The following TOX variants were observed in gnomAD, a reference collection of about 807,000 sequenced individuals.
TOX encodes the protein thymocyte selection-associated high mobility group box protein TOX.
A neutral mutation model predicts 53.7 loss-of-function variants in TOX; 11 were observed. That is an observed-to-expected ratio of 0.20 (90% confidence interval 0.13 to 0.34). The LOEUF is 0.34. Among genes scored for constraint, TOX ranks in the 10% least tolerant of loss-of-function variants. The pLI, the probability that TOX is intolerant of heterozygous loss-of-function variation, is 1.00. For missense variants in TOX, 570 were observed against 664.6 expected (o/e 0.86, Z 1.56); for synonymous variants, 225 against 245.3 (o/e 0.92, Z 0.77).
intron 7 of TOX, among the ~76,000 whole-genome samples, chr8:58,814,224 G>A (rs553733299): frequency 1.3e-5 from 2 of 151,894 alleles, no homozygotes; most frequent in East Asian, 1.9e-4. Context: ...GCTTCATCTC[G>A]ATCCCAGTCC....
intron 3 of TOX, among the ~76,000 whole-genome samples, chr8:58,900,239 T>C (rs1425926493): frequency 5.3e-5 from 8 of 152,156 alleles, no homozygotes; most frequent in African/African-American, 9.6e-5. Context: ...CCACAGCATA[T>C]GTTATTTTGA....
chr8:59,025,098 G>A (rs1019862402), intron 1 of TOX, among the ~76,000 whole-genome samples: 1 of 152,054 alleles, frequency 6.6e-6, no homozygotes, highest in Non-Finnish European at 1.5e-5. Context: ...AGTTAACTTG[G>A]ACTCAGAAGG....
At chr8:58,881,379 C>T (rs1811379687) in intron 3 of TOX, among the ~76,000 whole-genome samples, 1 of 137,496 alleles carries the variant, frequency 7.3e-6, no homozygotes, top group Non-Finnish European at 1.5e-5. Context: ...GCAGCAAGAA[C>T]TTTGGGATTA....
chr8:59,017,778 C>T lies in TOX; in HGVS notation c.103-57770G>A, dbSNP rs533322410. Among the ~76,000 whole-genome samples the T allele has an allele frequency of 1.2e-4, 18 of 152,266 alleles. 1 individual carries two copies. The East Asian group carries it at 2.7e-3, about 23-fold the overall frequency. On this transcript the variant is annotated intron_variant, in intron 1 of 8. Transcript: ENST00000361421. ...ACAGGTGTCTAGAGCTATTTTTCTA[C>T]ACTTTTAAATGTTAACTCTTTCTCC...
At chr8:59,085,250 C>T (rs1247570491) in intron 1 of TOX, among the ~76,000 whole-genome samples, 1 of 152,216 alleles carries the variant, frequency 6.6e-6, no homozygotes, top group Non-Finnish European at 1.5e-5. Context: ...CAATTTTTAG[C>T]TACCAGCAAC....
At chr8:58,941,697 G>A (rs758812223) in intron 2 of TOX, among the ~76,000 whole-genome samples, 1 of 152,056 alleles carries the variant, frequency 6.6e-6, no homozygotes, top group South Asian at 2.1e-4. Flanking sequence ...TAATTTGTCT[G>A]TCAACACTGC....
rs369960725 is a variant in TOX, at chr8:58,969,365, G to A, written c.103-9357C>T. Among the ~76,000 whole-genome samples, 13 of 152,226 alleles carry A rather than the reference G, an allele frequency of 8.5e-5. No individual in the cohort carries two copies. In the South Asian group the frequency reaches 2.1e-3, roughly 24 times the overall value. On this transcript the variant is annotated intron_variant, in intron 1 of 8. Coordinates refer to ENST00000361421, the MANE Select transcript of TOX (RefSeq NM_014729.3). ...AGTATGGATTTGTCCATTGTGAACC[G>A]AAGCAAAGCTCTGTTTACATATCTT...
intron 8 of TOX, 120 bp downstream of exon 8, chr8:58,807,998 C>T: frequency 2.9e-6 from 4 of 1,393,480 alleles, no homozygotes; most frequent in Non-Finnish European, 2.0e-6. Flanking sequence ...GTGTCTTCTG[C>T]CTTCATGAAC....
At chr8:59,044,597 C>T (rs1381012722) in intron 1 of TOX, among the ~76,000 whole-genome samples, 1 of 152,090 alleles carries the variant, frequency 6.6e-6, no homozygotes, top group Non-Finnish European at 1.5e-5. Flanking sequence ...TAGCTTATTT[C>T]CCCAGAAATA....
At chr8:59,100,780 T>C (rs1316790562) in intron 1 of TOX, among the ~76,000 whole-genome samples, 2 of 152,104 alleles carry the variant, frequency 1.3e-5, no homozygotes, top group Non-Finnish European at 2.9e-5. Flanking sequence ...TACATAAAAA[T>C]AGTATTGAGT....
intron 1 of TOX, among the ~76,000 whole-genome samples, chr8:58,986,140 T>G (rs1813324269): frequency 6.6e-6 from 1 of 152,176 alleles, no homozygotes; most frequent in Non-Finnish European, 1.5e-5. Flanking sequence ...AGGTCGTCAC[T>G]TAAATTTACT....
chr8:59,086,372 C>T (rs187479274), intron 1 of TOX, among the ~76,000 whole-genome samples: 120 of 152,214 alleles, frequency 7.9e-4, no homozygotes, highest in Non-Finnish European at 1.4e-3. Context: ...AACTCCATAC[C>T]CATTTTTACC....
rs1392714516 is a variant in TOX at position 58,806,766 on chromosome 8, T to C, written c.*981A>G. 1 of 152,634 alleles carries C rather than the reference T, an allele frequency of 6.6e-6. No homozygotes were observed. The highest frequency in any genetic ancestry group is 1.5e-5 in the Non-Finnish European group (1 of 68,034). 9.5% of individuals were successfully genotyped at this position (152,634 alleles called of 1,614,324 possible). A position where few individuals can be genotyped will look rare whatever the true frequency, so the allele number is the denominator to read the frequency against. On this transcript the variant is annotated 3_prime_UTR_variant, in exon 9 of 9. Transcript: ENST00000361421. ...AAAGTTAAAACATCAAAGAAACCTC[T>C]TTCAAATACTAACAAATTTACTTAC...
At chr8:58,995,657 A>C (rs1813547446) in intron 1 of TOX, among the ~76,000 whole-genome samples, 1 of 152,240 alleles carries the variant, frequency 6.6e-6, no homozygotes, top group African/African-American at 2.4e-5. Context: ...TACCTCCAAA[A>C]TGGAAAAATA....
chr8:59,052,150 C>T (rs1436319027), intron 1 of TOX, among the ~76,000 whole-genome samples: 1 of 152,142 alleles, frequency 6.6e-6, no homozygotes, highest in Admixed American at 6.5e-5. Context: ...TACTTTTATA[C>T]AGAAACAAGG....
chr8:58,995,990 C>T (rs1339195119), intron 1 of TOX, among the ~76,000 whole-genome samples: 2 of 152,154 alleles, frequency 1.3e-5, no homozygotes, highest in Admixed American at 6.5e-5. Context: ...GTATTCCCTC[C>T]GTTTCCAGGC....
At position 58,806,589 on chromosome 8, in the gene TOX, T is replaced by G. The variant is rs1215335639; in HGVS notation, c.*1158A>C. 6.6e-6 allele frequency: 1 copy of G among 152,606 alleles called. No homozygotes were observed. The highest frequency in any genetic ancestry group is 1.5e-5 in the Non-Finnish European group (1 of 68,036). The allele number at this position is 152,606 out of a possible 1,614,324, so 9.5% of individuals were successfully genotyped here. On this transcript the variant is annotated 3_prime_UTR_variant, in exon 9 of 9. Transcript: ENST00000361421. ...GAAATAAAGTTCTTAAATATAATAGTTTTTTGTTTGCATCAACCAAAGAAA... is the reference window on the plus strand; with the variant it reads ...GAAATAAAGTTCTTAAATATAATAGGTTTTTGTTTGCATCAACCAAAGAAA...
intron 3 of TOX, among the ~76,000 whole-genome samples, chr8:58,928,746 C>T (rs1257267901): frequency 6.6e-6 from 1 of 151,972 alleles, no homozygotes; most frequent in African/African-American, 2.4e-5. Flanking sequence ...TTTATGAATC[C>T]ACTGTCTTGA....
At chr8:58,936,293 C>T (rs1301949961) in intron 3 of TOX, among the ~76,000 whole-genome samples, 2 of 152,176 alleles carry the variant, frequency 1.3e-5, no homozygotes, top group Non-Finnish European at 2.9e-5. Context: ...GCCGTGACGG[C>T]TGTCCTACCT....
Sources: allele counts gnomAD v4.1 joint callset (sites outside exome capture counted in the v4.1 genomes callset), GRCh38; gene constraint gnomAD v4.1.1; transcripts MANE v1.5; gene names NCBI Gene and HGNC (gene_info 2026-07-23, HGNC 2026-07-21).